The following TRAPPC9 variants were observed in gnomAD, a reference collection of about 807,000 sequenced individuals.
TRAPPC9 encodes trafficking protein particle complex subunit 9.
In TRAPPC9, 83 loss-of-function variants were observed where a neutral mutation model predicts 124.0. The ratio of observed to expected loss-of-function variants is 0.67; its 90% confidence interval spans 0.56 to 0.80. The LOEUF is 0.80. Among genes scored for constraint, TRAPPC9 ranks in the 30% least tolerant of loss-of-function variants. The pLI, the probability that TRAPPC9 is intolerant of heterozygous loss-of-function variation, is 0.00. For synonymous variants in TRAPPC9, 638 were observed against 617.5 expected (o/e 1.03, Z -0.49); for missense variants, 1,302 against 1,508.3 (o/e 0.86, Z 2.27).
chr8:139,901,019 A>AAAAAT (rs1278213006), intron 20 of TRAPPC9, among the ~76,000 whole-genome samples: 2 of 151,674 alleles, frequency 1.3e-5, no homozygotes, highest in South Asian at 4.1e-4. Flanking sequence ...ATAAATAAAT[A>AAAAAT]AAAATAAAAT....
intron 17 of TRAPPC9, among the ~76,000 whole-genome samples, chr8:140,217,123 G>A (rs777845125): frequency 6.6e-6 from 1 of 152,230 alleles, no homozygotes; most frequent in Non-Finnish European, 1.5e-5. Flanking sequence ...AATATACGTT[G>A]TGCTTTAATT....
At chr8:140,373,745 G>T (rs969339097) in intron 7 of TRAPPC9, among the ~76,000 whole-genome samples, 1 of 151,518 alleles carries the variant, frequency 6.6e-6, no homozygotes. Context: ...ACGTTGTGGT[G>T]GCTTTAACTT....
At chr8:140,255,451 G>T (rs963680975) in intron 15 of TRAPPC9, among the ~76,000 whole-genome samples, 1 of 152,202 alleles carries the variant, frequency 6.6e-6, no homozygotes, top group Non-Finnish European at 1.5e-5. Context: ...TTTGCAAACT[G>T]ATACTATCAC....
intron 17 of TRAPPC9, among the ~76,000 whole-genome samples, chr8:140,067,040 A>G (rs984504017): frequency 2.0e-5 from 3 of 152,210 alleles, no homozygotes; most frequent in Admixed American, 6.5e-5. Context: ...CCTCTGCTTG[A>G]AACATTTTTG....
rs185022613 is a variant in TRAPPC9, at chr8:140,236,799, C to G, written c.2432-15216G>C. Among the ~76,000 whole-genome samples, 754 of 152,304 alleles carry G rather than the reference C, an allele frequency of 5.0e-3. 4 individuals carry two copies. Among genetic ancestry groups the G allele is most frequent in the African/African-American group, 0.016 (684 of 41,556 alleles). ...GGAAGACTAACCACCATAAACACGT[C>G]ACTTCTCCCCCAAATTAATCTATAG... On this transcript the variant is annotated intron_variant, in intron 16 of 22. Transcript: ENST00000438773.
At chr8:140,305,334 A>T (rs1207706225) in intron 10 of TRAPPC9, among the ~76,000 whole-genome samples, 1 of 152,008 alleles carries the variant, frequency 6.6e-6, no homozygotes, top group Non-Finnish European at 1.5e-5. Flanking sequence ...GGAGTATCGC[A>T]CTGTCACCCA....
chr8:140,338,980 G>A (rs1479653505), intron 9 of TRAPPC9, among the ~76,000 whole-genome samples: 6 of 124,090 alleles, frequency 4.8e-5, no homozygotes, highest in East Asian at 2.3e-4. Flanking sequence ...CCTACAGGCC[G>A]ACGGGAAACG....
At chr8:140,199,110 CTGTATGGCT>C (rs1228351485) in intron 17 of TRAPPC9, among the ~76,000 whole-genome samples, 1 of 152,116 alleles carries the variant, frequency 6.6e-6, no homozygotes, top group African/African-American at 2.4e-5. Flanking sequence ...AGCTGGGGAG[CTGTATGGCT>C]CACAGCTTCT....
chr8:140,405,549 A>C (rs1380749858), intron 6 of TRAPPC9, 28 bp downstream of exon 6: 1 of 1,609,324 alleles, frequency 6.2e-7, no homozygotes, highest in Non-Finnish European at 8.5e-7. Flanking sequence ...ACAACTGTGT[A>C]AAAAAAATCA....
chr8:140,455,103 C>T (rs557004941), intron 1 of TRAPPC9, among the ~76,000 whole-genome samples: 1 of 152,196 alleles, frequency 6.6e-6, no homozygotes, highest in Admixed American at 6.5e-5. Context: ...GTGTCCACAC[C>T]AGAAACATGT....
chr8:139,893,782 G>A (rs1830493978), intron 20 of TRAPPC9, among the ~76,000 whole-genome samples: 1 of 152,230 alleles, frequency 6.6e-6, no homozygotes, highest in Admixed American at 6.5e-5. Context: ...CACAAAGTCG[G>A]CACACACAGC....
At chr8:140,338,380 T>C (rs573408735) in intron 9 of TRAPPC9, among the ~76,000 whole-genome samples, 1 of 152,340 alleles carries the variant, frequency 6.6e-6, no homozygotes, top group South Asian at 2.1e-4. Context: ...TCAGTCACTG[T>C]GGCCTCCTTT....
rs1053402343 is a variant in TRAPPC9, at chr8:139,894,294, C to T, written c.2965-8325G>A. ...GTGTGCAAAGCTGTTTCCCTCCTTGCGGGGAGGCCCAGGAGAGAGCCAATG... is the reference window on the plus strand; with the variant it reads ...GTGTGCAAAGCTGTTTCCCTCCTTGTGGGGAGGCCCAGGAGAGAGCCAATG... On this transcript the variant is annotated intron_variant, in intron 20 of 22. Transcript: ENST00000438773. 3.9e-5 allele frequency among the ~76,000 whole-genome samples: 6 copies of T among 152,340 alleles called. No individual in the cohort carries two copies. The South Asian group carries it at 1.2e-3, about 32-fold the overall frequency.
In TRAPPC9 at chr8:140,370,876, A is replaced by G. The variant is rs1025492800; in HGVS notation, c.1351+88T>C. On this transcript the variant is annotated intron_variant, in intron 8 of 22. Transcript: ENST00000438773. Reference sequence around the variant, plus strand: ...TCTGGAGCCACCAGCACCAACCACGATGTCTGCCACTCAGGGCAGGGGCTG... The same window carrying G: ...TCTGGAGCCACCAGCACCAACCACGGTGTCTGCCACTCAGGGCAGGGGCTG... 37 of 1,467,892 alleles carry G rather than the reference A, an allele frequency of 2.5e-5. No homozygotes were observed. The Admixed American group carries it at 6.2e-4, about 25-fold the overall frequency. The allele number at this position is 1,467,892 out of a possible 1,614,324, so 90.9% of individuals were successfully genotyped here. A position where few individuals can be genotyped will look rare whatever the true frequency, so the allele number is the denominator to read the frequency against.
At chr8:140,011,083 T>C (rs893952827) in intron 18 of TRAPPC9, among the ~76,000 whole-genome samples, 38 of 152,158 alleles carry the variant, frequency 2.5e-4, no homozygotes, top group African/African-American at 8.9e-4. Flanking sequence ...CTCAAGCCTG[T>C]AATACTGGCA....
chr8:140,344,326 G>A (rs1463158351), intron 9 of TRAPPC9, among the ~76,000 whole-genome samples: 6 of 152,202 alleles, frequency 3.9e-5, no homozygotes, highest in Non-Finnish European at 2.9e-5. Flanking sequence ...AAAGCAACCA[G>A]TAAAGATGCA....
chr8:140,247,215 T>C (rs1315221510), intron 16 of TRAPPC9, among the ~76,000 whole-genome samples: 1 of 152,210 alleles, frequency 6.6e-6, no homozygotes, highest in Non-Finnish European at 1.5e-5. Flanking sequence ...CCTCAAGAAA[T>C]CATGAGAATT....
At chr8:140,231,985 G>T (rs2131377398) in intron 16 of TRAPPC9, among the ~76,000 whole-genome samples, 1 of 152,124 alleles carries the variant, frequency 6.6e-6, no homozygotes, top group Non-Finnish European at 1.5e-5. Context: ...CATTGACCAG[G>T]CTGGTCTCGA....
intron 9 of TRAPPC9, among the ~76,000 whole-genome samples, chr8:140,321,767 C>T (rs2066602114): frequency 6.6e-6 from 1 of 152,186 alleles, no homozygotes; most frequent in South Asian, 2.1e-4. Flanking sequence ...CAGAGGGCAA[C>T]GTGCAGTACA....
Sources: gnomAD v4.1 joint callset for allele counts (sites outside exome capture counted in the v4.1 genomes callset) on GRCh38, gnomAD v4.1.1 for gene constraint, MANE v1.5 for transcripts, NCBI Gene and HGNC (gene_info 2026-07-23, HGNC 2026-07-21) for gene names.